STPG1: variants seen among roughly 807,000 people sequenced by gnomAD.
STPG1 encodes the protein sperm tail PG-rich repeat containing 1.
Under a neutral mutation model 40.1 loss-of-function variants are expected in STPG1, and 33 were observed. The ratio of observed to expected loss-of-function variants is 0.82; its 90% confidence interval spans 0.62 to 1.10. The LOEUF (loss-of-function observed/expected upper bound fraction) is 1.10. Among genes scored for constraint, STPG1 ranks in the 50% least tolerant of loss-of-function variants. The pLI is 0.00. For synonymous variants in STPG1, 150 were observed against 155.0 expected, an observed-to-expected ratio of 0.97 and a Z score of 0.24; for missense variants, 396 against 415.1, an observed-to-expected ratio of 0.95 and a Z score of 0.40.
intron 6 of STPG1, among the ~76,000 whole-genome samples, chr1:24,371,952 C>T (rs545002884): frequency 1.3e-5 from 2 of 152,226 alleles, no homozygotes; most frequent in Admixed American, 1.3e-4. Flanking sequence ...CCGAGGCAGA[C>T]GGATCACTTG....
chr1:24,373,059 T>C (rs181763839), intron 6 of STPG1, among the ~76,000 whole-genome samples: 8 of 152,284 alleles, frequency 5.3e-5, no homozygotes, highest in African/African-American at 1.9e-4. Flanking sequence ...GGCTCGTTAG[T>C]GAGACCCCTC....
rs1422855607 is a variant in STPG1, at chr1:24,357,699, T to G, written c.*844A>C. On this transcript the variant is annotated 3_prime_UTR_variant, in exon 9 of 9. Coordinates refer to ENST00000337248, the MANE Select transcript of STPG1 (RefSeq NM_001199013.2). ...GAGATCAGAAAAGGAGCCTGGCAGC[T>G]CCCCACCCACCGCGAATCTGTGCAG... 1 of 166,332 alleles carries G rather than the reference T, an allele frequency of 6.0e-6. No homozygotes were observed. Among genetic ancestry groups the G allele is most frequent in the Non-Finnish European group, 1.4e-5 (1 of 73,952 alleles). 10.3% of individuals were successfully genotyped at this position (166,332 alleles called of 1,614,324 possible).
chr1:24,392,029 G>A (rs958775934), intron 2 of STPG1: 10 of 1,050,214 alleles, frequency 9.5e-6, no homozygotes, highest in African/African-American at 6.9e-5. Context: ...TGGACGAGGC[G>A]CGGTCAGGAC....
chr1:24,398,846 T>G (rs904058231), intron 2 of STPG1, among the ~76,000 whole-genome samples: 1 of 152,120 alleles, frequency 6.6e-6, no homozygotes, highest in Non-Finnish European at 1.5e-5. Context: ...GTAACTTAAA[T>G]AAAAGGATCT....
intron 6 of STPG1, 38 bp downstream of exon 6, chr1:24,373,664 A>C: frequency 7.2e-7 from 1 of 1,394,466 alleles, no homozygotes; most frequent in East Asian, 2.3e-5. Flanking sequence ...TGGGACACTT[A>C]ACCCTTAGGT....
intron 7 of STPG1, among the ~76,000 whole-genome samples, chr1:24,367,012 T>C (rs1341388411): frequency 6.6e-6 from 1 of 152,208 alleles, no homozygotes; most frequent in Non-Finnish European, 1.5e-5. Context: ...TTGTGAAGCA[T>C]TGACAGAGAG....
chr1:24,382,638 ACTG>A (rs1465467208), intron 4 of STPG1, among the ~76,000 whole-genome samples: 1 of 152,198 alleles, frequency 6.6e-6, no homozygotes, highest in African/African-American at 2.4e-5. Flanking sequence ...CTGTGGACCT[ACTG>A]AGGCCATGTA....
chr1:24,387,565 C>G (rs555048974), intron 3 of STPG1, among the ~76,000 whole-genome samples: 1 of 152,330 alleles, frequency 6.6e-6, no homozygotes, highest in African/African-American at 2.4e-5. Flanking sequence ...TCACTCTGCC[C>G]AGCCTCCACT....
chr1:24,379,971 A>G (rs3765432), intron 4 of STPG1, 148 bp from the exon 5 acceptor site: 260,758 of 750,124 alleles, frequency 0.35, 47,989 homozygotes, highest in African/African-American at 0.48. Flanking sequence ...AACTGACCTC[A>G]GGCTTTGAGG....
At chr1:24,369,582 T>C in intron 7 of STPG1, 92 bp downstream of exon 7, 1 of 1,396,496 alleles carries the variant, frequency 7.2e-7, no homozygotes, top group Non-Finnish European at 9.8e-7. Context: ...CACTGTGCTC[T>C]GCCAAGCAGT....
intron 5 of STPG1, among the ~76,000 whole-genome samples, chr1:24,377,148 T>C (rs1642067295): frequency 6.6e-6 from 1 of 151,224 alleles, no homozygotes; most frequent in South Asian, 2.1e-4. Context: ...GTGCCTGTAA[T>C]CCCAGCTGAG....
chr1:24,364,096 T>C (rs1569975698), intron 7 of STPG1: 1 of 1,441,958 alleles, frequency 6.9e-7, no homozygotes, highest in South Asian at 1.5e-5. Flanking sequence ...AGCAACTCCA[T>C]GCCTTTGTCC....
chr1:24,375,589 C>T (rs1366504770), intron 5 of STPG1, among the ~76,000 whole-genome samples: 1 of 151,956 alleles, frequency 6.6e-6, no homozygotes, highest in African/African-American at 2.4e-5. Context: ...TAACACATTA[C>T]CAAGGAAGAG....
chr1:24,373,950 T>C (rs1183426917), intron 5 of STPG1, 140 bp from the exon 6 acceptor site: 1 of 627,448 alleles, frequency 1.6e-6, no homozygotes, highest in Non-Finnish European at 2.9e-6. Context: ...AGATGTGAGC[T>C]GTAAACGTCA....
intron 6 of STPG1, among the ~76,000 whole-genome samples, chr1:24,372,811 G>A (rs1336117999): frequency 6.6e-6 from 1 of 152,168 alleles, no homozygotes; most frequent in Non-Finnish European, 1.5e-5. Context: ...CCTGCTTCTG[G>A]GGCCCAAGGT....
intron 2 of STPG1, among the ~76,000 whole-genome samples, chr1:24,394,690 A>C (rs1201631526): frequency 6.6e-6 from 1 of 152,226 alleles, no homozygotes; most frequent in African/African-American, 2.4e-5. Context: ...TCTGAGATTA[A>C]AAATACACTA....
At chr1:24,362,739 C>A (rs1314016302) in intron 7 of STPG1, among the ~76,000 whole-genome samples, 3 of 152,172 alleles carry the variant, frequency 2.0e-5, no homozygotes, top group Non-Finnish European at 2.9e-5. Flanking sequence ...AGGGGACACC[C>A]CCCTGGTCAG....
chr1:24,411,924 T>C (rs1203940298), intron 1 of STPG1: 1 of 151,832 alleles, frequency 6.6e-6, no homozygotes, highest in East Asian at 1.9e-4. Context: ...TGCTAGAAAG[T>C]TCCTTCCTGT....
intron 3 of STPG1, 176 bp downstream of exon 3, chr1:24,391,385 G>C: frequency 4.9e-6 from 2 of 412,306 alleles, no homozygotes; most frequent in East Asian, 3.7e-5. Flanking sequence ...CATTTTTCAG[G>C]CTCGTTCTTA....
Sources: gnomAD v4.1 joint callset for allele counts (sites outside exome capture counted in the v4.1 genomes callset) on GRCh38, gnomAD v4.1.1 for gene constraint, MANE v1.5 for transcripts, NCBI Gene and HGNC (gene_info 2026-07-23, HGNC 2026-07-21) for gene names.